Variants in FRMD4A observed in about 807,000 individuals in gnomAD.
FRMD4A encodes FERM domain-containing protein 4A.
A neutral mutation model predicts 129.1 loss-of-function variants in FRMD4A; 29 were observed. The observed-to-expected ratio is 0.22, with a 90% CI of 0.17 to 0.31. FRMD4A has a LOEUF of 0.31. FRMD4A is among the 10% of genes least tolerant of loss of function. The probability of loss-of-function intolerance (pLI) is 1.00; values close to 1 mark genes in which losing one functional copy is unlikely to be tolerated. For synonymous variants in FRMD4A, 634 were observed against 571.6 expected (o/e 1.11, Z -1.56); for missense variants, 1,272 against 1,375.8 (o/e 0.92, Z 1.19).
intron 2 of FRMD4A, among the ~76,000 whole-genome samples, chr10:14,251,175 G>C (rs539035267): frequency 1.3e-5 from 2 of 152,270 alleles, no homozygotes; most frequent in South Asian, 4.1e-4. Flanking sequence ...TTATGGATTT[G>C]TTTCTAACTA....
intron 3 of FRMD4A, among the ~76,000 whole-genome samples, chr10:13,829,238 C>T (rs145512225): frequency 6.6e-6 from 1 of 152,160 alleles, no homozygotes; most frequent in Non-Finnish European, 1.5e-5. Flanking sequence ...GAAAAACATT[C>T]TTCCGGCAGG....
intron 2 of FRMD4A, among the ~76,000 whole-genome samples, chr10:14,002,264 T>G (rs142354193): frequency 0.01 from 1,569 of 152,340 alleles, 26 homozygotes; most frequent in African/African-American, 0.036. Flanking sequence ...TCATCAGATT[T>G]GTACTACTTT....
At chr10:13,726,206 C>G (rs1308403651) in intron 12 of FRMD4A, among the ~76,000 whole-genome samples, 1 of 152,070 alleles carries the variant, frequency 6.6e-6, no homozygotes, top group Non-Finnish European at 1.5e-5. Flanking sequence ...CCCAGGAGGT[C>G]AAGGCTGCAG....
intron 2 of FRMD4A, among the ~76,000 whole-genome samples, chr10:13,884,214 A>ACTCACACACACACACACACACT (rs2094590383): frequency 3.5e-5 from 4 of 115,270 alleles, no homozygotes; most frequent in African/African-American, 1.3e-4. Context: ...ACACTCACAC[A>ACTCACACACACACACACACACT]CACACACACA....
Position 13,717,534 on chromosome 10 carries a change from G to A in FRMD4A, c.760-10421C>T, listed in dbSNP as rs190182175. On this transcript the variant is annotated intron_variant, in intron 12 of 24. Coordinates refer to ENST00000357447, the MANE Select transcript of FRMD4A (RefSeq NM_018027.5). ...TCGCCATGTTGACCAGGCTGGTCTC[G>A]AACTCCTGACTTCAAGTGATCTGCC... Among the ~76,000 whole-genome samples, 802 of 151,478 alleles carry A rather than the reference G, an allele frequency of 5.3e-3. 7 individuals carry two copies. Among genetic ancestry groups the A allele is most frequent in the African/African-American group, 0.019 (770 of 41,274 alleles).
chr10:14,155,443 G>A (rs1390513350), intron 2 of FRMD4A, among the ~76,000 whole-genome samples: 1 of 152,126 alleles, frequency 6.6e-6, no homozygotes, highest in Non-Finnish European at 1.5e-5. Context: ...AGGGAAGCCG[G>A]GCCTCAAAAG....
chr10:14,012,454 A>C (rs1280137531), intron 2 of FRMD4A, among the ~76,000 whole-genome samples: 1 of 152,190 alleles, frequency 6.6e-6, no homozygotes, highest in Admixed American at 6.5e-5. Flanking sequence ...GATGTATCAA[A>C]GCAAATGGGT....
At chr10:14,225,064 A>G (rs970357143) in intron 2 of FRMD4A, among the ~76,000 whole-genome samples, 27 of 152,210 alleles carry the variant, frequency 1.8e-4, no homozygotes, top group African/African-American at 6.3e-4. Flanking sequence ...CCTGACTGCA[A>G]ATAAGCTTGA....
intron 2 of FRMD4A, among the ~76,000 whole-genome samples, chr10:14,063,405 G>A (rs1834908324): frequency 6.6e-6 from 1 of 151,950 alleles, no homozygotes; most frequent in African/African-American, 2.4e-5. Flanking sequence ...CATTTATTAT[G>A]TTATTGTTCT....
intron 2 of FRMD4A, among the ~76,000 whole-genome samples, chr10:14,221,648 C>A (rs1843264231): frequency 6.6e-6 from 1 of 152,140 alleles, no homozygotes; most frequent in Admixed American, 6.5e-5. Context: ...CAGCCTCCAA[C>A]TCCTGGGCTC....
At chr10:14,025,817 G>C (rs1273552192) in intron 2 of FRMD4A, among the ~76,000 whole-genome samples, 6 of 152,124 alleles carry the variant, frequency 3.9e-5, no homozygotes, top group Admixed American at 3.9e-4. Context: ...ATTTCACTTA[G>C]TGTAATGTCC....
chr10:14,033,181 C>T (rs1270746120), intron 2 of FRMD4A, among the ~76,000 whole-genome samples: 1 of 151,988 alleles, frequency 6.6e-6, no homozygotes, highest in Non-Finnish European at 1.5e-5. Context: ...GTGGCACATG[C>T]TTGTAATCCC....
At chr10:13,859,984 G>A (rs374710238) in intron 2 of FRMD4A, among the ~76,000 whole-genome samples, 2 of 152,096 alleles carry the variant, frequency 1.3e-5, no homozygotes, top group Non-Finnish European at 2.9e-5. Context: ...TAAATGGGCC[G>A]AGCCCAGTGG....
At chr10:13,977,015 A>C (rs1441592988) in intron 2 of FRMD4A, among the ~76,000 whole-genome samples, 1 of 152,238 alleles carries the variant, frequency 6.6e-6, no homozygotes, top group Non-Finnish European at 1.5e-5. Context: ...TCAAGGAATT[A>C]ACGCCTTAGC....
intron 13 of FRMD4A, among the ~76,000 whole-genome samples, chr10:13,702,683 C>A (rs2086958357): frequency 6.6e-6 from 1 of 151,856 alleles, no homozygotes; most frequent in African/African-American, 2.4e-5. Context: ...TTGGAAGAAA[C>A]CTGGGGGTAA....
intron 6 of FRMD4A, among the ~76,000 whole-genome samples, chr10:13,768,101 T>TGC (rs1554887784): frequency 4.0e-5 from 6 of 151,832 alleles, no homozygotes; most frequent in Admixed American, 6.6e-5. Flanking sequence ...TGTGTGTGTG[T>TGC]GCGAACGTGC....
intron 5 of FRMD4A, among the ~76,000 whole-genome samples, chr10:13,784,388 AAAC>A (rs201504161): frequency 0.021 from 3,124 of 152,334 alleles, 53 homozygotes; most frequent in Middle Eastern, 0.051. Flanking sequence ...ACTACAATGT[AAAC>A]AACAACAGCA....
chr10:14,228,987 A>T (rs150564017), intron 2 of FRMD4A, among the ~76,000 whole-genome samples: 207 of 152,210 alleles, frequency 1.4e-3, no homozygotes, highest in African/African-American at 4.6e-3. Flanking sequence ...AATATGCCCC[A>T]CGGTCTAACA....
chr10:14,311,558 AC>A (rs71505022), intron 2 of FRMD4A, among the ~76,000 whole-genome samples: 1 of 139,502 alleles, frequency 7.2e-6, no homozygotes, highest in African/African-American at 2.7e-5. Flanking sequence ...GCTACATGGT[AC>A]CCCCCACCCT....
Sources: allele counts gnomAD v4.1 joint callset (sites outside exome capture counted in the v4.1 genomes callset), GRCh38; gene constraint gnomAD v4.1.1; transcripts MANE v1.5; gene names NCBI Gene and HGNC (gene_info 2026-07-23, HGNC 2026-07-21).